The following NUCKS1 variants were observed in gnomAD, a reference collection of about 807,000 sequenced individuals.
NUCKS1 encodes nuclear ubiquitous casein and cyclin-dependent kinase substrate 1.
Under a neutral mutation model 33.0 loss-of-function variants are expected in NUCKS1, and 2 were observed. The observed-to-expected ratio is 0.06, with a 90% CI of 0.02 to 0.19. NUCKS1 has a LOEUF of 0.19. NUCKS1 is among the 10% of genes least tolerant of loss of function. NUCKS1 has a pLI of 1.00. For missense variants in NUCKS1, 201 were observed against 293.6 expected (o/e 0.68, Z 2.31); for synonymous variants, 106 against 102.8 (o/e 1.03, Z -0.19).
chr1:205,746,749 TGA>T (rs1411867213), intron 1 of NUCKS1, among the ~76,000 whole-genome samples: 1 of 152,174 alleles, frequency 6.6e-6, no homozygotes, highest in African/African-American at 2.4e-5. Context: ...CTTATAAACA[TGA>T]CAAACAATAA....
At chr1:205,719,014 T>G (rs529953011) in intron 6 of NUCKS1, among the ~76,000 whole-genome samples, 1 of 152,330 alleles carries the variant, frequency 6.6e-6, no homozygotes, top group East Asian at 1.9e-4. Flanking sequence ...TCTGATTTAG[T>G]TAACAAACTA....
At chr1:205,749,460 G>A (rs1654421225) in intron 1 of NUCKS1, among the ~76,000 whole-genome samples, 1 of 152,012 alleles carries the variant, frequency 6.6e-6, no homozygotes, top group Non-Finnish European at 1.5e-5. Flanking sequence ...GAACACCCCC[G>A]TCCGCTACAG....
Position 205,750,014 on chromosome 1 carries a change from C to CCGGGGGGGGGGGGGGGGGGGGGGGGG in NUCKS1, c.-42_-41insCCCCCCCCCCCCCCCCCCCCCCCCCG, listed in dbSNP as rs2102454461. On this transcript the variant is annotated 5_prime_UTR_variant, in exon 1 of 7. Transcript: ENST00000367142. ...AGGACCGAGTCGAGAAGCCAAAGACCAGGACCCCCCCCACCCCGCGCGCTC... is the reference window on the plus strand; with the variant it reads ...AGGACCGAGTCGAGAAGCCAAAGACCCGGGGGGGGGGGGGGGGGGGGGGGGGAGGACCCCCCCCACCCCGCGCGCTC... 25 of 1,568,880 alleles carry CCGGGGGGGGGGGGGGGGGGGGGGGGG rather than the reference C, an allele frequency of 1.6e-5. No individual in the cohort carries two copies. The highest frequency in any genetic ancestry group is 2.8e-5 in the African/African-American group (2 of 72,718).
intron 1 of NUCKS1, among the ~76,000 whole-genome samples, chr1:205,735,970 G>T (rs968057664): frequency 1.3e-5 from 2 of 151,568 alleles, no homozygotes; most frequent in African/African-American, 2.4e-5. Flanking sequence ...TGGAGACAGG[G>T]TCTGCTCTGT....
intron 4 of NUCKS1, among the ~76,000 whole-genome samples, chr1:205,722,751 G>C (rs1029553942): frequency 1.3e-5 from 2 of 152,198 alleles, no homozygotes; most frequent in Non-Finnish European, 2.9e-5. Context: ...TAAAGGGTAG[G>C]CTGCCAGCCT....
At chr1:205,745,443 T>C (rs1654296518) in intron 1 of NUCKS1, among the ~76,000 whole-genome samples, 1 of 152,028 alleles carries the variant, frequency 6.6e-6, no homozygotes, top group Non-Finnish European at 1.5e-5. Flanking sequence ...GAGCCTGTGA[T>C]CGCACCAGTG....
chr1:205,744,629 A>ATTTTTTTTTTTT (rs1558056731), intron 1 of NUCKS1, among the ~76,000 whole-genome samples: 1 of 18,416 alleles, frequency 5.4e-5, no homozygotes, highest in Non-Finnish European at 9.5e-5. Flanking sequence ...AGTTCACTAG[A>ATTTTTTTTTTTT]GTTTTTTTTT....
At chr1:205,731,580 T>A (rs1653911190) in intron 1 of NUCKS1, among the ~76,000 whole-genome samples, 1 of 152,108 alleles carries the variant, frequency 6.6e-6, no homozygotes, top group African/African-American at 2.4e-5. Flanking sequence ...CCTAAATTGA[T>A]CAAGTGAACT....
At chr1:205,747,517 G>A (rs1319014925) in intron 1 of NUCKS1, among the ~76,000 whole-genome samples, 2 of 152,152 alleles carry the variant, frequency 1.3e-5, no homozygotes, top group Non-Finnish European at 2.9e-5. Context: ...GGAAATTGAT[G>A]CTAAGGTGCC....
rs145552116 is a variant in NUCKS1 at position 205,740,468 on chromosome 1, A to G, written c.17+9489T>C. Reference sequence around the variant, plus strand: ...TAACCTGTCTCTTCTAAAAAAAATTAGCCAGGTGTGGTGGCGCACGCCTGT... The same window carrying G: ...TAACCTGTCTCTTCTAAAAAAAATTGGCCAGGTGTGGTGGCGCACGCCTGT... On this transcript the variant is annotated intron_variant, in intron 1 of 6. Coordinates refer to ENST00000367142, the MANE Select transcript of NUCKS1 (RefSeq NM_022731.5). Among the ~76,000 whole-genome samples the G allele has an allele frequency of 5.4e-4, 82 of 152,130 alleles. 1 individual carries two copies. The East Asian group carries it at 0.013, about 24-fold the overall frequency.
chr1:205,750,043 G>A lies in NUCKS1; in HGVS notation c.-70C>T. On this transcript the variant is annotated 5_prime_UTR_variant, in exon 1 of 7. Coordinates refer to ENST00000367142, the MANE Select transcript of NUCKS1 (RefSeq NM_022731.5). ...ACCCCCCCCACCCCGCGCGCTCGGC[G>A]CCCCACCCCCCCCGAACTTCAGCCG... The A allele has an allele frequency of 7.9e-7, 1 of 1,271,644 alleles. No homozygotes were observed. The highest frequency in any genetic ancestry group is 1.9e-5 in the South Asian group (1 of 53,174). The allele number at this position is 1,271,644 out of a possible 1,614,324, so 78.8% of individuals were successfully genotyped here.
intron 1 of NUCKS1, among the ~76,000 whole-genome samples, chr1:205,745,107 T>C (rs921476331): frequency 6.6e-6 from 1 of 152,158 alleles, no homozygotes; most frequent in African/African-American, 2.4e-5. Context: ...TCTAATACAC[T>C]CTCTGTAAAA....
chr1:205,724,929 C>T (rs1043519179), intron 3 of NUCKS1, among the ~76,000 whole-genome samples: 1 of 152,110 alleles, frequency 6.6e-6, no homozygotes, highest in African/African-American at 2.4e-5. Flanking sequence ...AGTTAAGGAG[C>T]TTCAAAGTTC....
intron 4 of NUCKS1, among the ~76,000 whole-genome samples, chr1:205,723,659 TAAAGA>T (rs1222572265): frequency 1.3e-5 from 2 of 152,280 alleles, no homozygotes; most frequent in Admixed American, 1.3e-4. Context: ...TATAGATACT[TAAAGA>T]AAACCAAGCC....
At chr1:205,741,215 G>T (rs1654162835) in intron 1 of NUCKS1, among the ~76,000 whole-genome samples, 1 of 149,570 alleles carries the variant, frequency 6.7e-6, no homozygotes, top group Admixed American at 6.7e-5. Flanking sequence ...CAGGAGAATG[G>T]CGTGAACCCG....
chr1:205,735,738 A>G (rs760828750), intron 1 of NUCKS1, among the ~76,000 whole-genome samples: 18 of 152,370 alleles, frequency 1.2e-4, no homozygotes, highest in Middle Eastern at 3.4e-3. Flanking sequence ...ATAAATATCA[A>G]TAACAGCTAT....
chr1:205,718,133 C>A lies in NUCKS1; in HGVS notation c.*147G>T, dbSNP rs1671858683. The A allele has an allele frequency of 3.0e-5, 35 of 1,149,710 alleles. No individual in the cohort carries two copies. Among genetic ancestry groups the A allele is most frequent in the East Asian group, 9.6e-5 (2 of 20,834 alleles). 71.2% of individuals were successfully genotyped at this position (1,149,710 alleles called of 1,614,324 possible). ...AGAGAGAGAGAAATGTTACTTTCAA[C>A]AAATGGAAAAAAGCACTGAAAGCCC... is the stretch of plus-strand genomic sequence containing the variant. On this transcript the variant is annotated 3_prime_UTR_variant, in exon 7 of 7. Coordinates refer to ENST00000367142, the MANE Select transcript of NUCKS1 (RefSeq NM_022731.5).
chr1:205,723,700 A>T (rs1167105035), intron 4 of NUCKS1, among the ~76,000 whole-genome samples: 1 of 152,164 alleles, frequency 6.6e-6, no homozygotes, highest in African/African-American at 2.4e-5. Flanking sequence ...GATCTATTTA[A>T]TCAGAAATTT....
intron 1 of NUCKS1, among the ~76,000 whole-genome samples, chr1:205,746,782 G>A (rs1654343429): frequency 1.3e-5 from 2 of 152,150 alleles, no homozygotes; most frequent in Non-Finnish European, 1.5e-5. Flanking sequence ...ATAACAACTT[G>A]TAAGAGCTTA....
Sources: allele counts gnomAD v4.1 joint callset (sites outside exome capture counted in the v4.1 genomes callset), GRCh38; gene constraint gnomAD v4.1.1; transcripts MANE v1.5; gene names NCBI Gene and HGNC (gene_info 2026-07-23, HGNC 2026-07-21).